The following PCDH7 variants were observed in gnomAD, a reference collection of about 807,000 sequenced individuals.
The protein encoded by PCDH7 is protocadherin 7.
Under a neutral mutation model 58.9 loss-of-function variants are expected in PCDH7, and 17 were observed. The ratio of observed to expected loss-of-function variants is 0.29; its 90% CI spans 0.20 to 0.43. The LOEUF is 0.43. PCDH7 is among the 20% of genes least tolerant of loss of function. The pLI, the probability that PCDH7 is intolerant of heterozygous loss-of-function variation, is 1.00. For synonymous variants in PCDH7, 664 were observed against 616.4 expected, an observed-to-expected ratio of 1.08 and a Z score of -1.14; for missense variants, 1,274 against 1,441.0, an observed-to-expected ratio of 0.88 and a Z score of 1.88.
chr4:30,824,044 G>A lies in PCDH7; in HGVS notation c.71-96109G>A, dbSNP rs141432214. On this transcript the variant is annotated intron_variant, in intron 1 of 3. Transcript: ENST00000509759. Reference sequence around the variant, plus strand: ...AAAGGCAGAGCCACTCTTGATGGTTGGCTGTCTGATAGTCTGTAATTAAAG... The same window carrying A: ...AAAGGCAGAGCCACTCTTGATGGTTAGCTGTCTGATAGTCTGTAATTAAAG... 2.6e-3 allele frequency among the ~76,000 whole-genome samples: 401 copies of A among 152,110 alleles called. 1 individual carries two copies. Among genetic ancestry groups the A allele is most frequent in the African/African-American group, 9.3e-3 (384 of 41,504 alleles).
chr4:30,727,636 C>A (rs546099927), intron 1 of PCDH7, among the ~76,000 whole-genome samples: 1 of 151,966 alleles, frequency 6.6e-6, no homozygotes, highest in South Asian at 2.1e-4. Context: ...AAGTATCCAC[C>A]TTTCTGTTTC....
intron 3 of PCDH7, among the ~76,000 whole-genome samples, chr4:31,116,356 A>G (rs1716985006): frequency 6.6e-6 from 1 of 152,246 alleles, no homozygotes; most frequent in Non-Finnish European, 1.5e-5. Flanking sequence ...TATAGGCAGT[A>G]ACCAAAATGA....
downstream of PCDH7, chr4:31,146,189 C>G (rs1325422923): frequency 1.3e-5 from 2 of 151,672 alleles, no homozygotes; most frequent in East Asian, 1.9e-4. Flanking sequence ...GAAACACTAC[C>G]CTAGGAAGCT....
Position 31,142,812 on chromosome 4 carries a change from C to T in PCDH7, c.*347C>T, listed in dbSNP as rs757708322. The T allele has an allele frequency of 4.4e-6, 6 of 1,366,502 alleles. No individual in the cohort carries two copies. In the Admixed American group the frequency reaches 7.6e-5, roughly 17 times the overall value. The allele number at this position is 1,366,502 out of a possible 1,614,324, so 84.6% of individuals were successfully genotyped here. Reference sequence around the variant, plus strand: ...AAAACAGGGGAATATAAGCCATCTCCTGTCAATACTCTCACTAGAAGAGAA... The same window carrying T: ...AAAACAGGGGAATATAAGCCATCTCTTGTCAATACTCTCACTAGAAGAGAA... On this transcript the variant is annotated 3_prime_UTR_variant, in exon 4 of 4. Transcript: ENST00000509759.
At chr4:30,754,188 G>GTTTTTT (rs1553879619) in intron 1 of PCDH7, among the ~76,000 whole-genome samples, 1 of 140,908 alleles carries the variant, frequency 7.1e-6, no homozygotes, top group African/African-American at 3.0e-5. Flanking sequence ...GTGTGTGTGT[G>GTTTTTT]TTTTTTCTGG....
At chr4:31,036,616 T>C (rs1755433379) in intron 3 of PCDH7, among the ~76,000 whole-genome samples, 1 of 152,216 alleles carries the variant, frequency 6.6e-6, no homozygotes, top group Admixed American at 6.5e-5. Flanking sequence ...GAGTGAACTA[T>C]ATAATGTTCA....
intron 1 of PCDH7, among the ~76,000 whole-genome samples, chr4:30,753,372 T>A (rs943074662): frequency 6.6e-6 from 1 of 152,252 alleles, no homozygotes; most frequent in African/African-American, 2.4e-5. Context: ...GGGAACAGCA[T>A]ATTTTCTTGA....
intron 1 of PCDH7, among the ~76,000 whole-genome samples, chr4:30,910,534 G>T (rs1220846611): frequency 1.3e-5 from 2 of 152,070 alleles, no homozygotes; most frequent in African/African-American, 4.8e-5. Context: ...ACATTTTTAA[G>T]CATCCAACAA....
At chr4:30,971,024 G>T (rs1289611378) in intron 3 of PCDH7, among the ~76,000 whole-genome samples, 1 of 152,150 alleles carries the variant, frequency 6.6e-6, no homozygotes, top group Non-Finnish European at 1.5e-5. Context: ...GGATAATTCA[G>T]GTTAGCCAAA....
intron 3 of PCDH7, among the ~76,000 whole-genome samples, chr4:30,960,058 T>C (rs1443689283): frequency 1.4e-5 from 2 of 145,102 alleles, no homozygotes; most frequent in African/African-American, 5.1e-5. Context: ...AGAAATTATA[T>C]AGATAGTTAG....
At chr4:30,858,498 T>C (rs893444245) in intron 1 of PCDH7, among the ~76,000 whole-genome samples, 2 of 152,200 alleles carry the variant, frequency 1.3e-5, no homozygotes, top group African/African-American at 4.8e-5. Context: ...GATAAACTTA[T>C]TCTAACCGGT....
Position 30,775,439 on chromosome 4 carries a change from A to G in PCDH7, c.70+50843A>G, listed in dbSNP as rs1469709569. On this transcript the variant is annotated intron_variant, in intron 1 of 3. Transcript: ENST00000509759. The stretch of plus-strand genomic sequence containing the variant: ...TATTCAGAAAGTATACTCTATACTA[A>G]GGGTATTGAGTAATGTTTCAAGACA... Among the ~76,000 whole-genome samples the G allele has an allele frequency of 3.3e-5, 5 of 152,230 alleles. No homozygotes were observed. The East Asian group carries it at 9.6e-4, about 29-fold the overall frequency.
At chr4:31,097,997 C>T (rs1714379599) in intron 3 of PCDH7, among the ~76,000 whole-genome samples, 1 of 152,090 alleles carries the variant, frequency 6.6e-6, no homozygotes. Context: ...AAGATTCTTT[C>T]AGGTCACGGA....
At chr4:31,107,869 G>C (rs556993944) in intron 3 of PCDH7, among the ~76,000 whole-genome samples, 2 of 151,904 alleles carry the variant, frequency 1.3e-5, no homozygotes, top group African/African-American at 2.4e-5. Flanking sequence ...GAATTTTGTG[G>C]ATATTTATGA....
At chr4:31,008,400 AACTT>A (rs775871356) in intron 3 of PCDH7, among the ~76,000 whole-genome samples, 5 of 152,186 alleles carry the variant, frequency 3.3e-5, no homozygotes, top group African/African-American at 9.6e-5. Context: ...TAACTTGAAT[AACTT>A]ACTTTTAAAA....
intron 3 of PCDH7, among the ~76,000 whole-genome samples, chr4:31,114,978 A>G (rs1033008631): frequency 1.3e-5 from 2 of 152,108 alleles, no homozygotes; most frequent in African/African-American, 2.4e-5. Context: ...CCCTTTGTCT[A>G]TTTATATTCA....
At chr4:30,868,178 T>G (rs1735110285) in intron 1 of PCDH7, among the ~76,000 whole-genome samples, 1 of 152,096 alleles carries the variant, frequency 6.6e-6, no homozygotes, top group Non-Finnish European at 1.5e-5. Context: ...TATTCACTTT[T>G]TAAAGCTACC....
Position 30,721,907 on chromosome 4 carries a change from A to T in PCDH7, c.485A>T (p.Tyr162Phe). 1 of 1,582,788 alleles carries T rather than the reference A, an allele frequency of 6.3e-7. No homozygotes were observed. Among genetic ancestry groups the T allele is most frequent in the South Asian group, 1.1e-5 (1 of 87,126 alleles). ...GAGAATCGGCCGGTGGGCACACTTT[A>T]CCTGCTGCCCACAGCCACCGACCGC... The change falls in exon 1 of 2, where the codon TAC (tyrosine) becomes TTC (phenylalanine). Residue 162 changes from tyrosine (Y) to phenylalanine (F), a missense_variant. Tyr to Phe is a conservative substitution (Grantham distance 22). This residue lies in a region of PCDH7 where 212 missense variants were observed against 255.8 expected (regional missense o/e 0.83). Coordinates refer to ENST00000361762, the Ensembl canonical transcript of PCDH7. The surrounding 1 kb of genome is among the most constrained non-coding windows in gnomAD (Gnocchi z 6.7).
At chr4:30,931,515 CAGTGAGT>C (rs1744589833) in intron 2 of PCDH7, among the ~76,000 whole-genome samples, 1 of 151,960 alleles carries the variant, frequency 6.6e-6, no homozygotes, top group Non-Finnish European at 1.5e-5. Context: ...GTGGAGGTTG[CAGTGAGT>C]GAGATCATGC....
Sources: gnomAD v4.1 joint callset for allele counts (sites outside exome capture counted in the v4.1 genomes callset) on GRCh38, gnomAD v4.1.1 for gene constraint, gnomAD v4.1.1 regional missense constraint, Gnocchi (gnomAD v3.1) non-coding constraint, MANE v1.5 for transcripts, NCBI Gene and HGNC (gene_info 2026-07-23, HGNC 2026-07-21) for gene names.